RGMA: variants seen among roughly 807,000 people sequenced by gnomAD.
RGMA encodes the protein repulsive guidance molecule A.
RGMA carries 10 observed loss-of-function variants against 23.2 expected under a neutral mutation model. The observed-to-expected ratio is 0.43, with a 90% CI of 0.27 to 0.73. RGMA has a LOEUF of 0.73. Among genes scored for constraint, RGMA ranks in the 30% least tolerant of loss-of-function variants. The pLI is 0.20. For synonymous variants in RGMA, 308 were observed against 279.3 expected (o/e 1.10, Z -1.03); for missense variants, 547 against 630.5 (o/e 0.87, Z 1.42).
chr15:93,086,431 T>C (rs149472755), intron 1 of RGMA, among the ~76,000 whole-genome samples: 1 of 152,344 alleles, frequency 6.6e-6, no homozygotes, highest in African/African-American at 2.4e-5. Flanking sequence ...CTTTCATGTC[T>C]ATACTGCATG....
intron 2 of RGMA, chr15:93,063,010 T>C (rs889428463): frequency 5.9e-5 from 9 of 152,202 alleles, no homozygotes; most frequent in Non-Finnish European, 1.2e-4. Context: ...TTTTTTCCAA[T>C]AGATGGCAGG....
At chr15:93,073,736 T>C (rs1895418318) in intron 1 of RGMA, 2 of 1,537,180 alleles carry the variant, frequency 1.3e-6, no homozygotes, top group East Asian at 4.9e-5. Context: ...TTCCCGCCCG[T>C]CGTGGCCCCA....
At chr15:93,051,950 C>T (rs752520282) in intron 3 of RGMA, 43 bp downstream of exon 3, 628 of 1,535,584 alleles carry the variant, frequency 4.1e-4, no homozygotes, top group Non-Finnish European at 5.2e-4. Context: ...AGGGCAGAGA[C>T]AAAGGGCAGG....
At chr15:93,063,371 C>T (rs1356761109) in intron 2 of RGMA, among the ~76,000 whole-genome samples, 1 of 152,256 alleles carries the variant, frequency 6.6e-6, no homozygotes, top group Admixed American at 6.5e-5. Context: ...CCACCCCTCC[C>T]CACCCTCTCC....
chr15:93,048,347 G>A (rs1292650977), intron 3 of RGMA, among the ~76,000 whole-genome samples: 2 of 152,114 alleles, frequency 1.3e-5, no homozygotes, highest in Non-Finnish European at 2.9e-5. Context: ...GCTGAACGAG[G>A]GGCAGGCTGC....
intron 1 of RGMA, chr15:93,073,946 T>G (rs1324269974): frequency 1.4e-6 from 2 of 1,428,308 alleles, no homozygotes; most frequent in Non-Finnish European, 1.8e-6. Context: ...TGGCGCTCTC[T>G]GCGAGGCCCG....
chr15:93,086,626 G>A (rs1166287465), intron 1 of RGMA, among the ~76,000 whole-genome samples: 2 of 152,086 alleles, frequency 1.3e-5, no homozygotes, highest in Non-Finnish European at 2.9e-5. Flanking sequence ...ACCCATTCCT[G>A]CCTGCTTCCT....
At chr15:93,054,929 G>C (rs567409350) in intron 2 of RGMA, among the ~76,000 whole-genome samples, 1 of 151,242 alleles carries the variant, frequency 6.6e-6, no homozygotes, top group Non-Finnish European at 1.5e-5. Context: ...TAGCTTCCCT[G>C]CCGCCCCCTG....
At chr15:93,066,237 C>T in intron 2 of RGMA, 2 of 1,358,998 alleles carry the variant, frequency 1.5e-6, no homozygotes, top group Non-Finnish European at 2.1e-6. Context: ...GCAGAAACTT[C>T]CTGGGCTTCT....
Position 93,036,196 on chromosome 15 carries a change from A to AG in RGMA, c.*8801dup, listed in dbSNP as rs1156288838. On this transcript the variant is annotated 3_prime_UTR_variant, in exon 4 of 4. Transcript: ENST00000329082. ...CAGCTGTACTGCCGACATCAAGCAT[A>AG]GCCCCCCAGCTCATCACGGGGCCTC... 6.6e-6 allele frequency: 1 copy of AG among 152,240 alleles called. No homozygotes were observed. The highest frequency in any genetic ancestry group is 1.5e-5 in the Non-Finnish European group (1 of 68,042). The allele number at this position is 152,240 out of a possible 1,614,324, so 9.4% of individuals were successfully genotyped here.
rs1015557282 is a variant in RGMA, at chr15:93,044,091, G to C, written c.*907C>G. The C allele has an allele frequency of 6.6e-6, 1 of 152,454 alleles. No individual in the cohort carries two copies. Among genetic ancestry groups the C allele is most frequent in the Non-Finnish European group, 1.5e-5 (1 of 68,212 alleles). The allele number at this position is 152,454 out of a possible 1,614,324, so 9.4% of individuals were successfully genotyped here. A position where few individuals can be genotyped will look rare whatever the true frequency, so the allele number is the denominator to read the frequency against. On this transcript the variant is annotated 3_prime_UTR_variant, in exon 4 of 4. Coordinates refer to ENST00000329082, the MANE Select transcript of RGMA (RefSeq NM_020211.3). ...TGGATGGACCGGGCTGGGGGCTCTT[G>C]GGGTTGTGAGGAGGAAGCAGAGGAT...
rs141721225 is a variant in RGMA, at chr15:93,087,126, C to T, written c.14+1793G>A. Among the ~76,000 whole-genome samples the T allele has an allele frequency of 3.7e-4, 57 of 152,302 alleles. 1 individual carries two copies. In the East Asian group the frequency reaches 9.7e-3, roughly 26 times the overall value. On this transcript the variant is annotated intron_variant, in intron 1 of 3. Transcript: ENST00000329082. ...AAGCAGGGTACTTGAAAAAAGGAGG[C>T]TAAGACCTCTTTCACTACCAGCACA...
intron 1 of RGMA, among the ~76,000 whole-genome samples, chr15:93,077,372 T>C (rs1895489396): frequency 6.6e-6 from 1 of 152,212 alleles, no homozygotes; most frequent in Non-Finnish European, 1.5e-5. Context: ...AGGAGCTCCC[T>C]TAGGCGATTC....
chr15:93,061,059 G>A (rs1289534227), intron 2 of RGMA, among the ~76,000 whole-genome samples: 1 of 152,236 alleles, frequency 6.6e-6, no homozygotes, highest in East Asian at 1.9e-4. Flanking sequence ...GGAGGTGGCC[G>A]CTGAGCGGCC....
At chr15:93,066,618 G>A in intron 2 of RGMA, 1 of 449,966 alleles carries the variant, frequency 2.2e-6, no homozygotes, top group South Asian at 1.6e-5. Context: ...CGTGGGGACT[G>A]CCGTCACCAC....
rs1197206174 is a variant in RGMA, at chr15:93,039,624, T to A, written c.*5374A>T. The A allele has an allele frequency of 6.6e-6, 1 of 151,258 alleles. No individual in the cohort carries two copies. The highest frequency in any genetic ancestry group is 1.5e-5 in the Non-Finnish European group (1 of 67,774). The allele number at this position is 151,258 out of a possible 1,614,324, so 9.4% of individuals were successfully genotyped here. A position where few individuals can be genotyped will look rare whatever the true frequency, so the allele number is the denominator to read the frequency against. The stretch of plus-strand genomic sequence containing the variant: ...TGTGTTCTCATTGTTCAACTCCCAC[T>A]TACGAGTGAGAACATGCGGTGTTTG... On this transcript the variant is annotated 3_prime_UTR_variant, in exon 4 of 4. Coordinates refer to ENST00000329082, the MANE Select transcript of RGMA (RefSeq NM_020211.3).
intron 1 of RGMA, 79 bp from the exon 2 acceptor site, chr15:93,073,110 C>G (rs1211020803): frequency 7.2e-7 from 1 of 1,386,426 alleles, no homozygotes; most frequent in East Asian, 3.1e-5. Context: ...CCGGCGGGAG[C>G]AGCGAGCCGG....
chr15:93,063,367 C>T (rs185069133), intron 2 of RGMA, among the ~76,000 whole-genome samples: 8 of 152,354 alleles, frequency 5.3e-5, no homozygotes, highest in Admixed American at 5.2e-4. Flanking sequence ...GCTGCCACCC[C>T]TCCCCACCCT....
rs1242362022 is a variant in RGMA, at chr15:93,039,459, G to C, written c.*5539C>G. The C allele has an allele frequency of 6.6e-6, 1 of 152,120 alleles. No homozygotes were observed. The highest frequency in any genetic ancestry group is 2.4e-5 in the African/African-American group (1 of 41,390). The allele number at this position is 152,120 out of a possible 1,614,324, so 9.4% of individuals were successfully genotyped here. ...GCAGAACGCACAAGTTTGTTACATA[G>C]GTATACACGTGCCATGGTGGTTTGC... On this transcript the variant is annotated 3_prime_UTR_variant, in exon 4 of 4. Coordinates refer to ENST00000329082, the MANE Select transcript of RGMA (RefSeq NM_020211.3).
Sources: gnomAD v4.1 joint callset for allele counts (sites outside exome capture counted in the v4.1 genomes callset) on GRCh38, gnomAD v4.1.1 for gene constraint, MANE v1.5 for transcripts, NCBI Gene and HGNC (gene_info 2026-07-23, HGNC 2026-07-21) for gene names.